The following LAMP1 variants were observed in gnomAD, a reference collection of about 807,000 sequenced individuals.
LAMP1 encodes lysosome-associated membrane glycoprotein 1.
Under a neutral mutation model 37.5 loss-of-function variants are expected in LAMP1, and 7 were observed. The observed-to-expected ratio is 0.19, with a 90% CI of 0.11 to 0.35. The LOEUF is 0.35. Ranked by LOEUF, LAMP1 falls within the 10% of genes least tolerant of loss-of-function variation. The pLI is 1.00. For missense variants in LAMP1, 537 were observed against 552.8 expected (o/e 0.97, Z 0.29); for synonymous variants, 236 against 229.1 (o/e 1.03, Z -0.27).
chr13:113,320,648 T>G lies in LAMP1; in HGVS notation c.876+178T>G. 3 of 638,356 alleles carry G rather than the reference T, an allele frequency of 4.7e-6. 1 individual carries two copies. Among genetic ancestry groups the G allele is most frequent in the Non-Finnish European group, 8.0e-6 (3 of 377,274 alleles). 39.5% of individuals were successfully genotyped at this position (638,356 alleles called of 1,614,324 possible). On this transcript the variant is annotated intron_variant, in intron 6 of 8. Coordinates refer to ENST00000332556, the MANE Select transcript of LAMP1 (RefSeq NM_005561.4). The surrounding 1 kb of genome is among the most constrained non-coding windows in gnomAD (Gnocchi z 4.4). ...TTCCCCTCCCCCCTTTCCATTCCAT[T>G]CATAGATGCAGCAGATGATGTGGGC...
chr13:113,306,435 G>A (rs781708763), intron 1 of LAMP1, 50 bp from the exon 2 acceptor site: 20 of 1,586,132 alleles, frequency 1.3e-5, no homozygotes, highest in East Asian at 9.1e-5. Context: ...ATACTCGGTC[G>A]TATTTTCTGG....
At chr13:113,310,572 T>C (rs1409544069) in intron 3 of LAMP1, 137 bp from the exon 4 acceptor site, 5 of 806,506 alleles carry the variant, frequency 6.2e-6, no homozygotes, top group Non-Finnish European at 9.5e-6. Flanking sequence ...TATAAGTAGT[T>C]TGCAATTGTG....
In LAMP1 at chr13:113,322,409, C is replaced by T. The variant is rs1411926627; in HGVS notation, c.1242C>T (p.Tyr414=). ...GCAGGAAGAGGAGTCACGCAGGCTA[C>T]CAGACTATCTAGCCTGGTGCACGCA... ...LVGRKRSHAG[Y]QTI is the part of the protein sequence containing the mutation. Residue 414 remains tyrosine, a synonymous_variant, in exon 9 of 9, where the codon TAC becomes TAT. Transcript: ENST00000332556. 9.3e-6 allele frequency: 15 copies of T among 1,612,844 alleles called. No homozygotes were observed. The highest frequency in any genetic ancestry group is 1.2e-5 in the Non-Finnish European group (14 of 1,179,328).
In LAMP1 at chr13:113,323,261, T is replaced by A. The variant is rs923173621; in HGVS notation, c.*840T>A. The A allele has an allele frequency of 2.6e-5, 4 of 151,942 alleles. No homozygotes were observed. The highest frequency in any genetic ancestry group is 9.7e-5 in the African/African-American group (4 of 41,284). The allele number at this position is 151,942 out of a possible 1,614,324, so 9.4% of individuals were successfully genotyped here. On this transcript the variant is annotated 3_prime_UTR_variant, in exon 9 of 9. Transcript: ENST00000332556. ...GTTATTTTTATTTTTATTTGTAAAG[T>A]GATTTTTGGTCTTCTGTTGACATTC...
chr13:113,314,156 G>T (rs547098285), intron 4 of LAMP1, among the ~76,000 whole-genome samples: 1 of 119,008 alleles, frequency 8.4e-6, no homozygotes, highest in Non-Finnish European at 1.6e-5. Context: ...ATGCCCGTGT[G>T]CCTGGGGCGT....
rs1209771867 is a variant in LAMP1, at chr13:113,309,645, C to T, written c.186C>T (p.Asn62=). The change falls in exon 3 of 9, where the codon AAC becomes AAT. Residue 62 remains asparagine, a splice_region_variant and synonymous_variant. Coordinates refer to ENST00000332556, the MANE Select transcript of LAMP1 (RefSeq NM_005561.4). ...VNYDTKSGPK[N]MTFDLPSDAT... ...ACATTTAATTGTGTTTATTCTAGAA[C>T]ATGACCTTTGACCTGCCATCAGATG... 2 of 1,610,700 alleles carry T rather than the reference C, an allele frequency of 1.2e-6. No individual in the cohort carries two copies. The highest frequency in any genetic ancestry group is 1.1e-5 in the South Asian group (1 of 90,834).
intron 4 of LAMP1, among the ~76,000 whole-genome samples, chr13:113,313,436 G>C (rs1378769860): frequency 6.6e-6 from 1 of 152,212 alleles, no homozygotes; most frequent in African/African-American, 2.4e-5. Context: ...TTTTTTAATG[G>C]AGAACACGCA....
intron 1 of LAMP1, among the ~76,000 whole-genome samples, chr13:113,299,505 C>G (rs376887564): frequency 6.6e-6 from 1 of 151,642 alleles, no homozygotes; most frequent in South Asian, 2.1e-4. Flanking sequence ...CCTCGTGATC[C>G]GCCTCCCTCT....
chr13:113,312,497 G>C (rs1164787541), intron 4 of LAMP1, among the ~76,000 whole-genome samples: 5 of 152,184 alleles, frequency 3.3e-5, no homozygotes, highest in Non-Finnish European at 7.3e-5. Context: ...TGCCTTCCCT[G>C]GTGAGTGGGT....
Position 113,321,838 on chromosome 13 carries a change from G to C in LAMP1, c.1114+111G>C, listed in dbSNP as rs1341524466. 4 of 1,065,990 alleles carry C rather than the reference G, an allele frequency of 3.8e-6. No homozygotes were observed. Among genetic ancestry groups the C allele is most frequent in the Non-Finnish European group, 4.1e-6 (3 of 734,552 alleles). 66.0% of individuals were successfully genotyped at this position (1,065,990 alleles called of 1,614,324 possible). A position where few individuals can be genotyped will look rare whatever the true frequency, so the allele number is the denominator to read the frequency against. ...GCTGGGGCGACGCCCCTGTTCCTCT[G>C]CAAGGAGCTGTTTCTTCTTGCCGGT... On this transcript the variant is annotated intron_variant, in intron 8 of 8. Coordinates refer to ENST00000332556, the MANE Select transcript of LAMP1 (RefSeq NM_005561.4). The surrounding 1 kb of genome is among the most constrained non-coding windows in gnomAD (Gnocchi z 5.6).
chr13:113,308,456 C>T (rs962416127), intron 2 of LAMP1, among the ~76,000 whole-genome samples: 4 of 151,076 alleles, frequency 2.6e-5, no homozygotes, highest in Non-Finnish European at 4.4e-5. Flanking sequence ...CCTCAGCCTC[C>T]CAAGTAGCTA....
At chr13:113,317,056 A>G (rs1212995544) in intron 4 of LAMP1, among the ~76,000 whole-genome samples, 2 of 152,170 alleles carry the variant, frequency 1.3e-5, no homozygotes, top group Admixed American at 1.3e-4. Flanking sequence ...ATCCTCACAG[A>G]CACCCTTGAG....
chr13:113,299,715 C>A (rs1017532964), intron 1 of LAMP1, among the ~76,000 whole-genome samples: 2 of 151,682 alleles, frequency 1.3e-5, no homozygotes, highest in African/African-American at 2.4e-5. Flanking sequence ...ACTACAGGTG[C>A]GCGCCACCAT....
At chr13:113,319,168 C>T (rs984051710) in intron 4 of LAMP1, among the ~76,000 whole-genome samples, 17 of 152,190 alleles carry the variant, frequency 1.1e-4, no homozygotes, top group African/African-American at 2.2e-4. Context: ...TGTCCAGCCA[C>T]GGGGCTTGGG....
chr13:113,316,631 C>A (rs994259541), intron 4 of LAMP1, among the ~76,000 whole-genome samples: 3 of 152,050 alleles, frequency 2.0e-5, no homozygotes, highest in Non-Finnish European at 4.4e-5. Flanking sequence ...CCGTGTTAAC[C>A]AGGATGGTCT....
At chr13:113,300,492 AAAAAAAAAAAAAAG>A (rs2042565181) in intron 1 of LAMP1, among the ~76,000 whole-genome samples, 1 of 148,854 alleles carries the variant, frequency 6.7e-6, no homozygotes, top group Non-Finnish European at 1.5e-5. Flanking sequence ...ATGTCAAAAA[AAAAAAAAAAAAAAG>A]AAAAAGAAAA....
intron 4 of LAMP1, among the ~76,000 whole-genome samples, chr13:113,311,716 A>C (rs1402501341): frequency 6.6e-6 from 1 of 152,102 alleles, no homozygotes; most frequent in African/African-American, 2.4e-5. Context: ...TTTACCTCTC[A>C]TTTTCTTTGC....
chr13:113,301,858 C>CTTTTTTTTTTTTTTTT (rs539321614), intron 1 of LAMP1, among the ~76,000 whole-genome samples: 2 of 74,314 alleles, frequency 2.7e-5, no homozygotes, highest in Admixed American at 1.8e-4. Flanking sequence ...GATGTGATTT[C>CTTTTTTTTTTTTTTTT]TTTTTTTTTT....
chr13:113,321,330 T>C lies in LAMP1; in HGVS notation c.877-74T>C. 1 of 1,183,070 alleles carries C rather than the reference T, an allele frequency of 8.5e-7. No individual in the cohort carries two copies. The allele number at this position is 1,183,070 out of a possible 1,614,324, so 73.3% of individuals were successfully genotyped here. A position where few individuals can be genotyped will look rare whatever the true frequency, so the allele number is the denominator to read the frequency against. Reference sequence around the variant, plus strand: ...GACCATTCACGTTTGATGATAAATGTGTGAATCTACTGGGGTTAAAGATCA... The same window carrying C: ...GACCATTCACGTTTGATGATAAATGCGTGAATCTACTGGGGTTAAAGATCA... On this transcript the variant is annotated intron_variant, in intron 6 of 8. Coordinates refer to ENST00000332556, the MANE Select transcript of LAMP1 (RefSeq NM_005561.4). This position sits in a 1 kb window ranked among gnomAD's most constrained non-coding sequence, Gnocchi z 5.6.
Sources: allele counts gnomAD v4.1 joint callset (sites outside exome capture counted in the v4.1 genomes callset), GRCh38; gene constraint gnomAD v4.1.1; non-coding constraint Gnocchi (gnomAD v3.1); transcripts MANE v1.5; gene names NCBI Gene and HGNC (gene_info 2026-07-23, HGNC 2026-07-21).